Variants in AHNAK2 observed in about 807,000 individuals in gnomAD.
AHNAK2 encodes protein AHNAK2.
A neutral mutation model predicts 30.7 loss-of-function variants in AHNAK2; 18 were observed. The ratio of observed to expected loss-of-function variants is 0.59; its 90% CI spans 0.41 to 0.87. AHNAK2 has a LOEUF of 0.87. Among genes scored for constraint, AHNAK2 ranks in the 40% least tolerant of loss-of-function variants. The pLI, the probability that AHNAK2 is intolerant of heterozygous loss-of-function variation, is 0.00. For synonymous variants in AHNAK2, 3,590 were observed against 3,073.8 expected (o/e 1.17, Z -5.56); for missense variants, 8,604 against 7,373.0 (o/e 1.17, Z -6.11).
rs1555402330 is a variant in AHNAK2, at chr14:104,952,981, T to G, written c.2470A>C (p.Lys824Gln). 1.2e-6 allele frequency: 2 copies of G among 1,612,186 alleles called. No homozygotes were observed. The highest frequency in any genetic ancestry group is 1.7e-5 in the Admixed American group (1 of 59,862). Residue 824 changes from lysine (K) to glutamine (Q), a missense_variant, in exon 7 of 7, where the codon AAG (lysine) becomes CAG (glutamine). Transcript: ENST00000333244. ...TTGCTGTCTTTGGCAGTCACCTCCTTGTCGGCCAGGGACAGGTCCCCCTCC... is the reference window on the plus strand; with the variant it reads ...TTGCTGTCTTTGGCAGTCACCTCCTGGTCGGCCAGGGACAGGTCCCCCTCC... ...RLEGDLSLADKEVTAKDSKFK... is the reference protein window; with the variant it reads ...RLEGDLSLADQEVTAKDSKFK...
intron 1 of AHNAK2, among the ~76,000 whole-genome samples, chr14:104,977,473 C>T (rs960186964): frequency 2.0e-4 from 30 of 152,232 alleles, no homozygotes; most frequent in African/African-American, 5.5e-4. Flanking sequence ...GTAGGTAGCA[C>T]CCACTTTCCC....
rs1447472283 is a variant in AHNAK2, at chr14:104,938,722, T to C, written c.16729A>G (p.Ile5577Val). 6.2e-7 allele frequency: 1 copy of C among 1,613,518 alleles called. No homozygotes were observed. Among genetic ancestry groups the C allele is most frequent in the Non-Finnish European group, 8.5e-7 (1 of 1,179,830 alleles). The change falls in exon 7 of 7, where the codon ATC (isoleucine) becomes GTC (valine). Residue 5577 changes from isoleucine (I) to valine (V), a missense_variant. Physicochemically the swap from Ile to Val is conservative, Grantham distance 29. Coordinates refer to ENST00000333244, the MANE Select transcript of AHNAK2 (RefSeq NM_138420.4). ...CCCAGTACATTGACGCTGGAAGAGA[T>C]CATCTCAAATGGTTCTCCAGTGTCA... ...QPDTGEPFEM[I>V]SSSVNVLGQQ...
In AHNAK2 at chr14:104,951,823, C is replaced by G. The variant is rs371315830; in HGVS notation, c.3628G>C (p.Asp1210His). The G allele has an allele frequency of 8.7e-5, 137 of 1,566,462 alleles. 6 individuals carry two copies. Among genetic ancestry groups the G allele is most frequent in the African/African-American group, 3.0e-4 (22 of 72,876 alleles). ...PSMQGDLKTT[D>H]LSIQPPSADL... is the part of the protein sequence containing the mutation. ...GCGGAAGGGGGCTGAATGCTGAGGT[C>G]AGTGGTCTTGAGGTCCCCCTGCATG... is the stretch of plus-strand genomic sequence containing the variant. Residue 1210 changes from aspartate (D) to histidine (H), a missense_variant, in exon 7 of 7, where the codon GAC (aspartate) becomes CAC (histidine). Physicochemically the swap from Asp to His is moderately conservative, Grantham distance 81 (BLOSUM62 -1). Transcript: ENST00000333244.
rs775903353 is a variant in AHNAK2 at position 104,941,742 on chromosome 14, C to T, written c.13709G>A (p.Gly4570Asp). 1.4e-5 allele frequency: 23 copies of T among 1,613,070 alleles called. No individual in the cohort carries two copies. Among genetic ancestry groups the T allele is most frequent in the Non-Finnish European group, 1.9e-5 (22 of 1,179,608 alleles). The change falls in exon 7 of 7, where the codon GGC becomes GAC. Residue 4570 changes from glycine to aspartate, a missense_variant. Transcript: ENST00000333244. ...DLKGPQVDVK[G>D]PKLDLKGPKA... ...TGGGCCTTTCAGGTCCAGCTTGGGG[C>T]CCTTGACGTCCACCTGGGGGCCCTT...
At position 104,953,014 on chromosome 14, in the gene AHNAK2, C is replaced by T. The variant is rs759491526; in HGVS notation, c.2437G>A (p.Ala813Thr). 4 of 1,613,142 alleles carry T rather than the reference C, an allele frequency of 2.5e-6. No homozygotes were observed. Among genetic ancestry groups the T allele is most frequent in the Admixed American group, 1.7e-5 (1 of 59,980 alleles). The change falls in exon 7 of 7, where the codon GCG (alanine) becomes ACG (threonine). Residue 813 changes from alanine (A) to threonine (T), a missense_variant. Transcript: ENST00000333244. ...VQAPRAKLDGARLEGDLSLAD... is the reference protein window; with the variant it reads ...VQAPRAKLDGTRLEGDLSLAD... ...AGGGACAGGTCCCCCTCCAGCCGCG[C>T]ACCATCCAGCTTTGCTCTCGGGGCC...
intron 1 of AHNAK2, among the ~76,000 whole-genome samples, chr14:104,975,556 G>T (rs1899570812): frequency 6.6e-6 from 1 of 152,210 alleles, no homozygotes; most frequent in African/African-American, 2.4e-5. Flanking sequence ...CGGTCACCCT[G>T]CCTGGTGGGG....
rs775694524 is a variant in AHNAK2, at chr14:104,940,468, C to T, written c.14983G>A (p.Val4995Met). ...ATGTGGATGGCAGACTGCGGGGCCA[C>T]TTCATCCTTGTCTAAAACCAGGCTG... ...KLSLVLDKDE[V>M]APQSAIHMDL... The change falls in exon 7 of 7, where the codon GTG becomes ATG. Residue 4995 changes from valine to methionine, a missense_variant. By Grantham distance (21) the Val-to-Met change is conservative (BLOSUM62 1). Transcript: ENST00000333244. The surrounding 1 kb of genome is among the most constrained non-coding windows in gnomAD (Gnocchi z 4.4). 2 of 1,613,872 alleles carry T rather than the reference C, an allele frequency of 1.2e-6. No homozygotes were observed. The highest frequency in any genetic ancestry group is 1.7e-6 in the Non-Finnish European group (2 of 1,179,894).
chr14:104,941,520 T>G lies in AHNAK2; in HGVS notation c.13931A>C (p.Lys4644Thr), dbSNP rs1307374229. 5.0e-6 allele frequency: 8 copies of G among 1,612,920 alleles called. No homozygotes were observed. The highest frequency in any genetic ancestry group is 6.8e-6 in the Non-Finnish European group (8 of 1,179,818). ...STSGFEWSSKKVSMSSSEIEG... is the reference protein window; with the variant it reads ...STSGFEWSSKTVSMSSSEIEG... ...GATTTCAGAGGAAGACATGGAAACT[T>G]TCTTTGACGACCATTCAAAACCAGA... The change falls in exon 7 of 7, where the codon AAA becomes ACA. Residue 4644 changes from lysine to threonine, a missense_variant. By Grantham distance (78) the Lys-to-Thr change is moderately conservative. Transcript: ENST00000333244.
At position 104,953,300 on chromosome 14, in the gene AHNAK2, G is replaced by A; in HGVS notation, c.2151C>T (p.Asp717=). 1.2e-6 allele frequency: 2 copies of A among 1,612,650 alleles called. No individual in the cohort carries two copies. Among genetic ancestry groups the A allele is most frequent in the African/African-American group, 1.3e-5 (1 of 74,406 alleles). Reference sequence around the variant, plus strand: ...GGACGCTGAGGTCAGTGGTCTTGAGGTCCCCCTGCATGGAGAGGAGGCTCA... The same window carrying A: ...GGACGCTGAGGTCAGTGGTCTTGAGATCCCCCTGCATGGAGAGGAGGCTCA... ...ADVSLLSMQG[D]LKTTDLSVQT... Residue 717 remains aspartate (D), a synonymous_variant, in exon 7 of 7, where the codon GAC becomes GAT. Coordinates refer to ENST00000333244, the MANE Select transcript of AHNAK2 (RefSeq NM_138420.4).
rs1293113459 is a variant in AHNAK2 at position 104,938,244 on chromosome 14, G to A, written c.17207C>T (p.Ala5736Val). ...LQEETITFFD[A>V]RESFSPEEKE... The stretch of plus-strand genomic sequence containing the variant: ...CTCTTCAGGGGAGAAACTTTCTCGG[G>A]CATCAAAAAACGTGATTGTTTCTTC... The change falls in exon 7 of 7, where the codon GCC (alanine) becomes GTC (valine). Residue 5736 changes from alanine to valine, a missense_variant. Transcript: ENST00000333244. 1.9e-5 allele frequency: 31 copies of A among 1,613,748 alleles called. No individual in the cohort carries two copies. Among genetic ancestry groups the A allele is most frequent in the Non-Finnish European group, 2.6e-5 (31 of 1,179,828 alleles).
chr14:104,952,208 C>G lies in AHNAK2; in HGVS notation c.3243G>C (p.Leu1081Phe), dbSNP rs775130135. 20 of 1,612,348 alleles carry G rather than the reference C, an allele frequency of 1.2e-5. No homozygotes were observed. Among genetic ancestry groups the G allele is most frequent in the Middle Eastern group, 3.3e-4 (2 of 6,054 alleles). Residue 1081 changes from leucine to phenylalanine, a missense_variant, in exon 7 of 7, where the codon TTG becomes TTC. Coordinates refer to ENST00000333244, the MANE Select transcript of AHNAK2 (RefSeq NM_138420.4). Reference sequence around the variant, plus strand: ...TGAAACTGGGCATCTCCACCTTGGGCAAGTGCCCTTTAAGGCCAGCTCCCT... The same window carrying G: ...TGAAACTGGGCATCTCCACCTTGGGGAAGTGCCCTTTAAGGCCAGCTCCCT... Reference protein sequence around the residue: ...LPEGAGLKGHLPKVEMPSFKM... With the variant: ...LPEGAGLKGHFPKVEMPSFKM...
intron 1 of AHNAK2, among the ~76,000 whole-genome samples, chr14:104,965,401 CAAA>C (rs397853385): frequency 1.8e-4 from 15 of 85,500 alleles, no homozygotes; most frequent in East Asian, 1.2e-3. Flanking sequence ...AACTCTGTCT[CAAA>C]AAAAAAAAAA....
At position 104,938,907 on chromosome 14, in the gene AHNAK2, G is replaced by C; in HGVS notation, c.16544C>G (p.Ser5515Trp). 4 of 1,613,658 alleles carry C rather than the reference G, an allele frequency of 2.5e-6. No individual in the cohort carries two copies. Among genetic ancestry groups the C allele is most frequent in the Non-Finnish European group, 3.4e-6 (4 of 1,179,860 alleles). ...EIPTSEIQTPSYGFSLLKVKI... is the reference protein window; with the variant it reads ...EIPTSEIQTPWYGFSLLKVKI... ...CACTTTTAATAAGGAAAATCCGTAC[G>C]AAGGTGTTTGAATCTCTGACGTGGG... Residue 5515 changes from serine (S) to tryptophan (W), a missense_variant, in exon 7 of 7, where the codon TCG becomes TGG. Coordinates refer to ENST00000333244, the MANE Select transcript of AHNAK2 (RefSeq NM_138420.4).
chr14:104,970,102 C>T (rs1899433256), intron 1 of AHNAK2, among the ~76,000 whole-genome samples: 1 of 152,158 alleles, frequency 6.6e-6, no homozygotes, highest in Non-Finnish European at 1.5e-5. Context: ...CATTCACCTC[C>T]CCCCACACCC....
At position 104,954,569 on chromosome 14, in the gene AHNAK2, G is replaced by C; in HGVS notation, c.882C>G (p.Ser294=). 6.2e-7 allele frequency: 1 copy of C among 1,608,584 alleles called. No homozygotes were observed. The highest frequency in any genetic ancestry group is 8.5e-7 in the Non-Finnish European group (1 of 1,177,294). Residue 294 remains serine, a synonymous_variant, in exon 7 of 7, where the codon TCC becomes TCG. Transcript: ENST00000333244. The surrounding 1 kb of genome is among the most constrained non-coding windows in gnomAD (Gnocchi z 4.3). ...AYEPRDAHDV[S]PTSTDTEAQL... is the part of the protein sequence containing the mutation. ...GGGCCTCTGTGTCTGTGCTTGTAGG[G>C]GACACGTCATGTGCGTCCCTAGGTT...
At position 104,948,934 on chromosome 14, in the gene AHNAK2, C is replaced by T. The variant is rs565509068; in HGVS notation, c.6517G>A (p.Glu2173Lys). 234 of 1,447,532 alleles carry T rather than the reference C, an allele frequency of 1.6e-4. 8 individuals carry two copies. In the Admixed American group the frequency reaches 1.7e-3, roughly 10 times the overall value. 89.7% of individuals were successfully genotyped at this position (1,447,532 alleles called of 1,614,324 possible). A position where few individuals can be genotyped will look rare whatever the true frequency, so the allele number is the denominator to read the frequency against. Residue 2173 changes from glutamate (E) to lysine (K), a missense_variant, in exon 7 of 7, where the codon GAG becomes AAG. Coordinates refer to ENST00000333244, the MANE Select transcript of AHNAK2 (RefSeq NM_138420.4). ...GGTGGAGACACATCCACCGAGGCCTCGATGGACTTGCCTGGGGCAGACACC... is the reference window on the plus strand; with the variant it reads ...GGTGGAGACACATCCACCGAGGCCTTGATGGACTTGCCTGGGGCAGACACC... ...FGVSAPGKSI[E>K]ASVDVSPPKV...
At position 104,946,963 on chromosome 14, in the gene AHNAK2, T is replaced by C. The variant is rs137861796; in HGVS notation, c.8488A>G (p.Lys2830Glu). The C allele has an allele frequency of 1.8e-3, 2,822 of 1,609,986 alleles. 81 individuals are homozygous for C. The African/African-American group carries it at 0.028, about 16-fold the overall frequency. Residue 2830 changes from lysine to glutamate, a missense_variant, in exon 7 of 7, where the codon AAG becomes GAG. Transcript: ENST00000333244. ...ACATCCACCGAGGCCTCGATGGACT[T>C]GCCTGGGGCCGACACCCCGAATGAC... ...MPSFGVSAPGKSIEASVDVSE... is the reference protein window; with the variant it reads ...MPSFGVSAPGESIEASVDVSE...
Position 104,942,302 on chromosome 14 carries a change from C to A in AHNAK2, c.13149G>T (p.Lys4383Asn). Reference protein sequence around the residue: ...EGAGLKGHLPKLQMPSFKVPK... With the variant: ...EGAGLKGHLPNLQMPSFKVPK... ...GTACCTTGAAACTGGGCATCTGCAG[C>A]TTCGGCAGGTGCCCTTTGAGGCCGG... The change falls in exon 7 of 7, where the codon AAG (lysine) becomes AAT (asparagine). Residue 4383 changes from lysine to asparagine, a missense_variant. Transcript: ENST00000333244. 1 of 1,613,408 alleles carries A rather than the reference C, an allele frequency of 6.2e-7. No homozygotes were observed. The highest frequency in any genetic ancestry group is 8.5e-7 in the Non-Finnish European group (1 of 1,179,846).
Position 104,947,699 on chromosome 14 carries a change from G to C in AHNAK2, c.7752C>G (p.Pro2584=). ...GCTTGGGGCCCTTGACATCTAGCTGGGGGCCCTTGAGGTCCATTTCAGGCA... is the reference window on the plus strand; with the variant it reads ...GCTTGGGGCCCTTGACATCTAGCTGCGGGCCCTTGAGGTCCATTTCAGGCA... ...FKMPEMDLKG[P]QLDVKGPKLD... Residue 2584 remains proline (P), a synonymous_variant, in exon 7 of 7, where the codon CCC becomes CCG. Coordinates refer to ENST00000333244, the MANE Select transcript of AHNAK2 (RefSeq NM_138420.4). 6.2e-7 allele frequency: 1 copy of C among 1,612,764 alleles called. No individual in the cohort carries two copies. The highest frequency in any genetic ancestry group is 8.5e-7 in the Non-Finnish European group (1 of 1,179,594).
Sources: allele counts gnomAD v4.1 joint callset (sites outside exome capture counted in the v4.1 genomes callset), GRCh38; gene constraint gnomAD v4.1.1; non-coding constraint Gnocchi (gnomAD v3.1); transcripts MANE v1.5; gene names NCBI Gene and HGNC (gene_info 2026-07-23, HGNC 2026-07-21).